Variants in HPS1 observed in about 807,000 individuals in gnomAD.
HPS1 encodes BLOC-3 complex member HPS1.
A neutral mutation model predicts 90.6 loss-of-function variants in HPS1; 59 were observed. The observed-to-expected ratio is 0.65, with a 90% CI of 0.53 to 0.81. The LOEUF (loss-of-function observed/expected upper bound fraction) is 0.81, where lower values mean the gene tolerates loss of function less well. HPS1 is among the 30% of genes least tolerant of loss of function. HPS1 has a pLI of 0.00. For synonymous variants in HPS1, 388 were observed against 384.4 expected (o/e 1.01, Z -0.11); for missense variants, 849 against 896.7 (o/e 0.95, Z 0.68).
At chr10:98,429,938 C>A (rs1391062195) in intron 8 of HPS1, 49 bp from the exon 9 acceptor site, 3 of 1,524,150 alleles carry the variant, frequency 2.0e-6, no homozygotes, top group Non-Finnish European at 2.7e-6. Context: ...GACCTGGCTC[C>A]CTCCACCCCT....
chr10:98,432,184 G>A (rs372318459), intron 6 of HPS1, among the ~76,000 whole-genome samples: 110 of 152,254 alleles, frequency 7.2e-4, no homozygotes, highest in African/African-American at 1.8e-3. Context: ...CACAGGGCCT[G>A]GTAGGCTTGG....
At position 98,423,839 on chromosome 10, in the gene HPS1, G is replaced by A; in HGVS notation, c.1446C>T (p.Tyr482=). The part of the protein sequence containing the change: ...GKLKRQLCAI[Y]RLNFLTTAPS... Reference sequence around the variant, plus strand: ...GGGCTGTGGTCAGAAAGTTCAGCCGGTAGATGGCGCAGAGCTGCCGCTTCA... The same window carrying A: ...GGGCTGTGGTCAGAAAGTTCAGCCGATAGATGGCGCAGAGCTGCCGCTTCA... Residue 482 remains tyrosine, a synonymous_variant, in exon 15 of 20, where the codon TAC becomes TAT. Coordinates refer to ENST00000361490, the MANE Select transcript of HPS1 (RefSeq NM_000195.5). 1 of 1,613,946 alleles carries A rather than the reference G, an allele frequency of 6.2e-7. No individual in the cohort carries two copies. The highest frequency in any genetic ancestry group is 1.1e-5 in the South Asian group (1 of 91,082).
chr10:98,431,405 A>G (rs1846456032), intron 6 of HPS1, 114 bp from the exon 7 acceptor site: 1 of 1,147,680 alleles, frequency 8.7e-7, no homozygotes, highest in African/African-American at 1.5e-5. Context: ...ACTCTGCACC[A>G]GATACTTGGA....
At chr10:98,431,454 G>A (rs1202855756) in intron 6 of HPS1, 163 bp from the exon 7 acceptor site, 4 of 681,284 alleles carry the variant, frequency 5.9e-6, no homozygotes, top group African/African-American at 1.8e-5. Flanking sequence ...CAGCCTTCCT[G>A]AGGCTTACTG....
intron 16 of HPS1, among the ~76,000 whole-genome samples, chr10:98,423,207 T>A (rs1340293020): frequency 6.6e-6 from 1 of 152,058 alleles, no homozygotes; most frequent in Non-Finnish European, 1.5e-5. Context: ...CTTCTAGAGC[T>A]TTTACATGCC....
Position 98,423,854 on chromosome 10 carries a change from C to T in HPS1, c.1431G>A (p.Gln477=), listed in dbSNP as rs747509165. 12 of 1,613,838 alleles carry T rather than the reference C, an allele frequency of 7.4e-6. No homozygotes were observed. The highest frequency in any genetic ancestry group is 9.3e-6 in the Non-Finnish European group (11 of 1,180,030). ...AGTTCAGCCGGTAGATGGCGCAGAG[C>T]TGCCGCTTCAGCTTCCCACATGCCT... ...LLQACGKLKR[Q]LCAIYRLNFL... is the part of the protein sequence containing the mutation. The change falls in exon 15 of 20, where the codon CAG becomes CAA. Residue 477 remains glutamine, a synonymous_variant. Transcript: ENST00000361490.
Position 98,423,739 on chromosome 10 carries a change from C to T in HPS1, c.1532+14G>A, listed in dbSNP as rs761708348. ...ACCCTGCCCTGGCCACCCAGGGGGCCGCACTGCACTTACCGCATGAGCCTC... is the reference window on the plus strand; with the variant it reads ...ACCCTGCCCTGGCCACCCAGGGGGCTGCACTGCACTTACCGCATGAGCCTC... On this transcript the variant is annotated intron_variant, in intron 15 of 19. Transcript: ENST00000361490. The T allele has an allele frequency of 1.5e-5, 24 of 1,613,968 alleles. No individual in the cohort carries two copies. The East Asian group carries it at 2.0e-4, about 13-fold the overall frequency.
chr10:98,432,461 G>A (rs1846613206), intron 6 of HPS1, among the ~76,000 whole-genome samples: 1 of 152,130 alleles, frequency 6.6e-6, no homozygotes, highest in African/African-American at 2.4e-5. Context: ...TATGTTTATT[G>A]GAAGAGTGAA....
downstream of HPS1, among the ~76,000 whole-genome samples, chr10:98,415,614 T>C (rs1332990907): frequency 6.6e-6 from 1 of 152,196 alleles, no homozygotes; most frequent in African/African-American, 2.4e-5. Context: ...TCCAACTCCA[T>C]GCTGAGTCTG....
intron 3 of HPS1, among the ~76,000 whole-genome samples, chr10:98,438,237 G>A (rs1387465261): frequency 1.3e-5 from 2 of 152,200 alleles, no homozygotes; most frequent in African/African-American, 4.8e-5. Context: ...ACCCAAAAAT[G>A]TGAAAGTGAC....
intron 10 of HPS1, among the ~76,000 whole-genome samples, chr10:98,428,966 C>T (rs1350778309): frequency 2.0e-5 from 3 of 151,996 alleles, no homozygotes; most frequent in South Asian, 2.1e-4. Context: ...CTCAGCCTCC[C>T]GAGTAGCTGG....
At chr10:98,420,001 AGT>A in intron 18 of HPS1, 42 bp downstream of exon 18, 2 of 1,129,256 alleles carry the variant, frequency 1.8e-6, no homozygotes, top group Non-Finnish European at 2.7e-6. Context: ...CAGAGCGGGA[AGT>A]GTGTGTGGCC....
At position 98,429,596 on chromosome 10, in the gene HPS1, G is replaced by A; in HGVS notation, c.914C>T (p.Pro305Leu). 1.2e-6 allele frequency: 2 copies of A among 1,614,244 alleles called. No homozygotes were observed. Among genetic ancestry groups the A allele is most frequent in the Non-Finnish European group, 1.7e-6 (2 of 1,180,042 alleles). The stretch of plus-strand genomic sequence containing the variant: ...ACCTGAGCTCTGATCGCCAGGGGAA[G>A]GAGCTGGTGTGAAGTACTCCTCAGG... ...SLPEEYFTPA[P>L]SPGDQSSGST... is the part of the protein sequence containing the mutation. Residue 305 changes from proline (P) to leucine (L), a missense_variant, in exon 10 of 20, where the codon CCT becomes CTT. Coordinates refer to ENST00000361490, the MANE Select transcript of HPS1 (RefSeq NM_000195.5).
chr10:98,425,447 G>T, intron 13 of HPS1, 94 bp downstream of exon 13: 3 of 1,266,100 alleles, frequency 2.4e-6, no homozygotes, highest in Non-Finnish European at 3.4e-6. Context: ...CAGGAACCCA[G>T]GCCCATTGGC....
intron 11 of HPS1, among the ~76,000 whole-genome samples, chr10:98,426,922 C>T (rs1166021657): frequency 1.3e-5 from 2 of 150,968 alleles, no homozygotes; most frequent in African/African-American, 4.9e-5. Context: ...TATACATGCT[C>T]ACTTAAAAAA....
At chr10:98,431,357 GCT>G (rs780628461) in intron 6 of HPS1, 66 bp from the exon 7 acceptor site, 1 of 1,518,688 alleles carries the variant, frequency 6.6e-7, no homozygotes, top group Non-Finnish European at 9.0e-7. Flanking sequence ...CAAGCCCTGG[GCT>G]AGTGGGGACA....
rs1295822965 is a variant in HPS1, at chr10:98,435,156, G to T, written c.398+116C>A. On this transcript the variant is annotated intron_variant, in intron 5 of 19. Transcript: ENST00000361490. This position sits in a 1 kb window ranked among gnomAD's most constrained non-coding sequence, Gnocchi z 4.3. Reference sequence around the variant, plus strand: ...ACTTGAGCTGTTTCTCTGACCTAGGGACCCAGCTGGGGGCAGTATGTGAAA... The same window carrying T: ...ACTTGAGCTGTTTCTCTGACCTAGGTACCCAGCTGGGGGCAGTATGTGAAA... 12 of 1,265,048 alleles carry T rather than the reference G, an allele frequency of 9.5e-6. No individual in the cohort carries two copies. The highest frequency in any genetic ancestry group is 1.3e-5 in the Non-Finnish European group (11 of 871,138). 78.4% of individuals were successfully genotyped at this position (1,265,048 alleles called of 1,614,324 possible). A position where few individuals can be genotyped will look rare whatever the true frequency, so the allele number is the denominator to read the frequency against.
downstream of HPS1, chr10:98,414,946 A>C: frequency 5.2e-6 from 8 of 1,552,016 alleles, no homozygotes; most frequent in Admixed American, 1.8e-5. Flanking sequence ...CCTCCCCACC[A>C]AGCTCTGAGC....
intron 11 of HPS1, among the ~76,000 whole-genome samples, chr10:98,426,552 C>T (rs1226309617): frequency 6.6e-6 from 1 of 152,202 alleles, no homozygotes; most frequent in African/African-American, 2.4e-5. Flanking sequence ...TACCTAACAG[C>T]AAACACTGGA....
Sources: gnomAD v4.1 joint callset for allele counts (sites outside exome capture counted in the v4.1 genomes callset) on GRCh38, gnomAD v4.1.1 for gene constraint, Gnocchi (gnomAD v3.1) non-coding constraint, MANE v1.5 for transcripts, NCBI Gene and HGNC (gene_info 2026-07-23, HGNC 2026-07-21) for gene names.